SLC68A1: variants seen among roughly 807,000 people sequenced by gnomAD.
SLC68A1 encodes the protein major facilitator superfamily domain containing 13A.
At chr10:102,470,927 G>C in the SLC68A1 span, 1 of 1,613,268 alleles carries the variant, frequency 6.2e-7, no homozygotes, top group Non-Finnish European at 8.5e-7. Context: ...CTTCAGCGCG[G>C]CCGGCTCCCT....
At chr10:102,462,654 G>A in the SLC68A1 span, among the ~76,000 whole-genome samples, 2 of 151,946 alleles carry the variant, frequency 1.3e-5, no homozygotes, top group South Asian at 2.1e-4. Context: ...CCTGCTAGAG[G>A]GCTTCTTCCA....
At chr10:102,473,117 C>A in the SLC68A1 span, 5 of 647,034 alleles carry the variant, frequency 7.7e-6, no homozygotes, top group African/African-American at 5.5e-5. Context: ...TGAGCCACTG[C>A]GCCCAGCCAG....
At chr10:102,472,832 C>T in the SLC68A1 span, 1 of 1,601,786 alleles carries the variant, frequency 6.2e-7, no homozygotes, top group Non-Finnish European at 8.6e-7. Flanking sequence ...GAAGCCTCCT[C>T]ACCATCCCTG....
chr10:102,470,830 G>C, the SLC68A1 span: 1 of 1,613,586 alleles, frequency 6.2e-7, no homozygotes, highest in Non-Finnish European at 8.5e-7. Flanking sequence ...GCTTCCTGAC[G>C]CTCGTGGACC....
At chr10:102,471,529 G>T in the SLC68A1 span, 4 of 1,313,572 alleles carry the variant, frequency 3.0e-6, no homozygotes, top group Non-Finnish European at 4.2e-6. Flanking sequence ...GGAGGCTGAG[G>T]TGGGTGGATC....
chr10:102,469,997 T>C, the SLC68A1 span: 6 of 1,613,852 alleles, frequency 3.7e-6, no homozygotes, highest in Admixed American at 1.0e-4. Flanking sequence ...CTGCAGACAG[T>C]GTTTCTCCTC....
the SLC68A1 span, chr10:102,475,997 G>A: frequency 6.5e-7 from 1 of 1,549,130 alleles, no homozygotes; most frequent in South Asian, 1.1e-5. Context: ...GCTGTGGCAA[G>A]GTCACCCCAC....
chr10:102,475,439 T>C, the SLC68A1 span, among the ~76,000 whole-genome samples: 13 of 152,050 alleles, frequency 8.5e-5, no homozygotes, highest in African/African-American at 3.1e-4. Flanking sequence ...GGATACGTTT[T>C]GGAGTTGGGG....
the SLC68A1 span, among the ~76,000 whole-genome samples, chr10:102,465,040 G>A: frequency 6.6e-6 from 1 of 152,058 alleles, no homozygotes; most frequent in South Asian, 2.1e-4. Flanking sequence ...GGATCACAAG[G>A]TCAGGAGTTT....
At chr10:102,470,092 C>T in the SLC68A1 span, 7 of 1,611,950 alleles carry the variant, frequency 4.3e-6, no homozygotes, top group African/African-American at 2.7e-5. Context: ...GTATTGGGAA[C>T]AGCTCGTAAT....
the SLC68A1 span, chr10:102,473,020 G>C: frequency 1.6e-6 from 2 of 1,246,716 alleles, no homozygotes; most frequent in Middle Eastern, 1.9e-4. Context: ...TAGAGATGGG[G>C]TTTCACCGTA....
chr10:102,475,782 A>C, the SLC68A1 span: 7 of 1,613,880 alleles, frequency 4.3e-6, no homozygotes, highest in Non-Finnish European at 5.9e-6. Context: ...CCCTGGCCAG[A>C]GCCCCCAGCT....
chr10:102,467,156 G>A, the SLC68A1 span, among the ~76,000 whole-genome samples: 1 of 152,174 alleles, frequency 6.6e-6, no homozygotes, highest in Non-Finnish European at 1.5e-5. Context: ...TCCTGCCTCA[G>A]CTCCCCAGTA....
chr10:102,474,995 A>G, the SLC68A1 span, among the ~76,000 whole-genome samples: 1 of 147,200 alleles, frequency 6.8e-6, no homozygotes, highest in Admixed American at 6.9e-5. Flanking sequence ...TGACTTTTTA[A>G]CAAAATTCAC....
the SLC68A1 span, chr10:102,476,343 C>T: frequency 3.3e-6 from 1 of 303,372 alleles, no homozygotes; most frequent in Non-Finnish European, 5.0e-6. Context: ...GCTGGGATTA[C>T]AGGCGTGAGC....
the SLC68A1 span, among the ~76,000 whole-genome samples, chr10:102,470,259 C>T: frequency 6.6e-6 from 1 of 151,388 alleles, no homozygotes; most frequent in Non-Finnish European, 1.5e-5. Flanking sequence ...CTTGGACGTA[C>T]ACTTGCCTGG....
chr10:102,473,598 C>A, the SLC68A1 span: 1 of 1,612,372 alleles, frequency 6.2e-7, no homozygotes, highest in Non-Finnish European at 8.5e-7. Flanking sequence ...CCCATCTCAA[C>A]AACCTCTACT....
At chr10:102,472,888 C>G in the SLC68A1 span, 3 of 1,614,096 alleles carry the variant, frequency 1.9e-6, no homozygotes, top group Non-Finnish European at 2.5e-6. Flanking sequence ...AACTTCTTCC[C>G]TCTCTTCCTG....
At chr10:102,472,056 G>C in the SLC68A1 span, 10 of 455,486 alleles carry the variant, frequency 2.2e-5, no homozygotes, top group South Asian at 1.4e-4. Flanking sequence ...CCAGCACTTC[G>C]GGACGCCAAG....
Sources: allele counts gnomAD v4.1 joint callset (sites outside exome capture counted in the v4.1 genomes callset), GRCh38; gene constraint gnomAD v4.1.1; transcripts MANE v1.5; gene names NCBI Gene and HGNC (gene_info 2026-07-23, HGNC 2026-07-21).